The following CTNNBL1 variants were observed in gnomAD, a reference collection of about 807,000 sequenced individuals.
CTNNBL1 encodes the protein catenin beta like 1.
In CTNNBL1, 31 loss-of-function variants were observed where a neutral mutation model predicts 72.7. The ratio of observed to expected loss-of-function variants is 0.43; its 90% CI spans 0.32 to 0.58. The LOEUF is 0.58. Ranked by LOEUF, CTNNBL1 falls within the 20% of genes least tolerant of loss-of-function variation. The pLI, the probability that CTNNBL1 is intolerant of heterozygous loss-of-function variation, is 0.08. For missense variants in CTNNBL1, 534 were observed against 725.1 expected (o/e 0.74, Z 3.03); for synonymous variants, 240 against 267.3 (o/e 0.90, Z 1.00).
intron 13 of CTNNBL1, among the ~76,000 whole-genome samples, chr20:37,849,018 A>G (rs2072371384): frequency 6.6e-6 from 1 of 152,194 alleles, no homozygotes; most frequent in African/African-American, 2.4e-5. Flanking sequence ...TGACTAGATC[A>G]AAAATAGGCA....
At chr20:37,865,521 C>T (rs2072529729) in intron 15 of CTNNBL1, among the ~76,000 whole-genome samples, 1 of 152,194 alleles carries the variant, frequency 6.6e-6, no homozygotes, top group African/African-American at 2.4e-5. Flanking sequence ...CTCCCCCCAG[C>T]CCCTGGCAGC....
chr20:37,709,174 C>A (rs925951671), intron 1 of CTNNBL1, among the ~76,000 whole-genome samples: 4 of 152,112 alleles, frequency 2.6e-5, no homozygotes, highest in Non-Finnish European at 5.9e-5. Flanking sequence ...TGAAACCAAG[C>A]AGAGTATCAT....
intron 14 of CTNNBL1, 102 bp from the exon 15 acceptor site, chr20:37,860,170 G>A: frequency 6.8e-7 from 1 of 1,475,198 alleles, no homozygotes; most frequent in Non-Finnish European, 9.5e-7. Flanking sequence ...TCAGCCTTTT[G>A]TTTCAGGGAT....
intron 10 of CTNNBL1, among the ~76,000 whole-genome samples, chr20:37,782,731 A>C (rs781734443): frequency 1.3e-5 from 2 of 152,200 alleles, no homozygotes; most frequent in Non-Finnish European, 2.9e-5. Context: ...AAGTTTTCAA[A>C]ATCCAGTGAA....
chr20:37,864,528 A>AG (rs1469287314), intron 15 of CTNNBL1, among the ~76,000 whole-genome samples: 1 of 152,072 alleles, frequency 6.6e-6, no homozygotes, highest in Non-Finnish European at 1.5e-5. Context: ...CCAAGAGCGC[A>AG]GGGAATAATT....
chr20:37,730,976 A>G (rs1220652211), intron 1 of CTNNBL1, among the ~76,000 whole-genome samples: 1 of 152,040 alleles, frequency 6.6e-6, no homozygotes, highest in Non-Finnish European at 1.5e-5. Context: ...TTATTATTAT[A>G]TTTGATTTAA....
Position 37,777,728 on chromosome 20 carries a change from G to A in CTNNBL1, c.882+16G>A, listed in dbSNP as rs1194243640. On this transcript the variant is annotated intron_variant, in intron 9 of 15. Coordinates refer to ENST00000361383, the MANE Select transcript of CTNNBL1 (RefSeq NM_030877.5). ...GCAGTTATCCGTGAGTAATTCTTAT[G>A]CTTCCTGTCTGCTGTAAGATACATG... The A allele has an allele frequency of 6.2e-7, 1 of 1,612,312 alleles. No homozygotes were observed. The highest frequency in any genetic ancestry group is 1.3e-5 in the African/African-American group (1 of 74,956).
At chr20:37,710,607 A>G (rs2072928976) in intron 1 of CTNNBL1, among the ~76,000 whole-genome samples, 1 of 152,144 alleles carries the variant, frequency 6.6e-6, no homozygotes, top group East Asian at 1.9e-4. Flanking sequence ...CATCTGAGCA[A>G]TTACTGTTGT....
At chr20:37,833,541 C>T (rs1406728076) in intron 11 of CTNNBL1, among the ~76,000 whole-genome samples, 1 of 152,120 alleles carries the variant, frequency 6.6e-6, no homozygotes, top group Non-Finnish European at 1.5e-5. Flanking sequence ...TTTGCCTGGC[C>T]TTCCCCTTGG....
intron 4 of CTNNBL1, among the ~76,000 whole-genome samples, chr20:37,748,143 G>A (rs2073284464): frequency 6.6e-6 from 1 of 152,194 alleles, no homozygotes; most frequent in Non-Finnish European, 1.5e-5. Context: ...TATTCACAGG[G>A]AATCTGCTGT....
intron 1 of CTNNBL1, among the ~76,000 whole-genome samples, chr20:37,732,270 TAAAA>T (rs2073135898): frequency 6.6e-6 from 1 of 152,234 alleles, no homozygotes; most frequent in African/African-American, 2.4e-5. Context: ...AACTCTTCTG[TAAAA>T]TAGAATTGGG....
chr20:37,817,256 A>G (rs1308978249), intron 11 of CTNNBL1, among the ~76,000 whole-genome samples: 1 of 152,228 alleles, frequency 6.6e-6, no homozygotes, highest in Non-Finnish European at 1.5e-5. Flanking sequence ...ACAATCCAGT[A>G]CCTTTAGCTG....
intron 11 of CTNNBL1, among the ~76,000 whole-genome samples, chr20:37,818,343 A>C (rs571836272): frequency 6.6e-6 from 1 of 152,332 alleles, no homozygotes; most frequent in South Asian, 2.1e-4. Flanking sequence ...CTTCCAGTCA[A>C]CTTTGGGAGA....
At position 37,777,602 on chromosome 20, in the gene CTNNBL1, A is replaced by G. The variant is rs2073587439; in HGVS notation, c.824-52A>G. On this transcript the variant is annotated intron_variant, in intron 8 of 15. Coordinates refer to ENST00000361383, the MANE Select transcript of CTNNBL1 (RefSeq NM_030877.5). ...ATGTATCAGTGTTAGACGGCTGTAA[A>G]ATCTGACAGTTAGGTTCATTTTTTT... is the stretch of plus-strand genomic sequence containing the variant. The G allele has an allele frequency of 1.1e-5, 17 of 1,568,102 alleles. No homozygotes were observed. The Admixed American group carries it at 2.8e-4, about 26-fold the overall frequency.
intron 11 of CTNNBL1, among the ~76,000 whole-genome samples, chr20:37,825,958 C>CT (rs1367742659): frequency 4.6e-5 from 7 of 152,184 alleles, no homozygotes; most frequent in Non-Finnish European, 8.8e-5. Context: ...AGGCTGGAGT[C>CT]TCCTTTTCCA....
intron 11 of CTNNBL1, among the ~76,000 whole-genome samples, chr20:37,819,037 C>T (rs1184068158): frequency 2.0e-5 from 3 of 152,176 alleles, no homozygotes; most frequent in Admixed American, 6.5e-5. Flanking sequence ...ATCTTTGCGT[C>T]ATTTCCAATA....
chr20:37,696,071 AG>A (rs1371077985), intron 1 of CTNNBL1, among the ~76,000 whole-genome samples: 3 of 152,250 alleles, frequency 2.0e-5, no homozygotes, highest in African/African-American at 7.2e-5. Context: ...TAGAATGGCT[AG>A]CCCATTAAAG....
In CTNNBL1 at chr20:37,871,985, G is replaced by T; in HGVS notation, c.1664G>T (p.Arg555Leu). Reference sequence around the variant, plus strand: ...GAGTTCCGGGAGAACGAGCAAAAGCGCATCCTGGGCTTGCTGGAGAACTTC... The same window carrying T: ...GAGTTCCGGGAGAACGAGCAAAAGCTCATCCTGGGCTTGCTGGAGAACTTC... Reference protein sequence around the residue: ...SPEFRENEQKRILGLLENF With the variant: ...SPEFRENEQKLILGLLENF Residue 555 changes from arginine to leucine, a missense_variant, in exon 16 of 16, where the codon CGC (arginine) becomes CTC (leucine). Coordinates refer to ENST00000361383, the MANE Select transcript of CTNNBL1 (RefSeq NM_030877.5). The T allele has an allele frequency of 1.9e-6, 3 of 1,614,066 alleles. No individual in the cohort carries two copies. The highest frequency in any genetic ancestry group is 1.1e-5 in the South Asian group (1 of 91,080).
At chr20:37,803,723 T>C (rs997442604) in intron 11 of CTNNBL1, among the ~76,000 whole-genome samples, 1 of 152,014 alleles carries the variant, frequency 6.6e-6, no homozygotes, top group East Asian at 1.9e-4. Context: ...ATTTACATGG[T>C]TGGATGGTTA....
Sources: allele counts gnomAD v4.1 joint callset (sites outside exome capture counted in the v4.1 genomes callset), GRCh38; gene constraint gnomAD v4.1.1; transcripts MANE v1.5; gene names NCBI Gene and HGNC (gene_info 2026-07-23, HGNC 2026-07-21).